The following KCNJ3 variants were observed in gnomAD, a reference collection of about 807,000 sequenced individuals.
KCNJ3 encodes the protein G protein-activated inward rectifier potassium channel 1.
In KCNJ3, 4 loss-of-function variants were observed where a neutral mutation model predicts 39.2. That is an observed-to-expected ratio of 0.10 (90% CI 0.05 to 0.23). The LOEUF is 0.23. Among genes scored for constraint, KCNJ3 ranks in the 10% least tolerant of loss-of-function variants. The probability of loss-of-function intolerance (pLI) is 1.00; values close to 1 mark genes in which losing one functional copy is unlikely to be tolerated. For missense variants in KCNJ3, 276 were observed against 634.9 expected (o/e 0.43, Z 6.08); for synonymous variants, 230 against 237.4 (o/e 0.97, Z 0.29).
In KCNJ3 at chr2:154,810,033, A is replaced by G. The variant is rs886669671; in HGVS notation, c.920-44694A>G. On this transcript the variant is annotated intron_variant, in intron 2 of 2. Transcript: ENST00000295101. ...AACAATTATATGTGCAAGGCACTAAATACGGTTCTAACAATGATTAATATT... is the reference window on the plus strand; with the variant it reads ...AACAATTATATGTGCAAGGCACTAAGTACGGTTCTAACAATGATTAATATT... 4.8e-5 allele frequency among the ~76,000 whole-genome samples: 7 copies of G among 146,488 alleles called. No homozygotes were observed. In the Admixed American group the frequency reaches 4.9e-4, roughly 10 times the overall value.
intron 2 of KCNJ3, among the ~76,000 whole-genome samples, chr2:154,837,060 A>G (rs1687478480): frequency 1.3e-5 from 2 of 152,196 alleles, no homozygotes; most frequent in African/African-American, 2.4e-5. Context: ...TTTAGATTCC[A>G]TGGATGTCAA....
At position 154,767,186 on chromosome 2, in the gene KCNJ3, CT is replaced by C. The variant is rs200514089; in HGVS notation, c.919+57376del. On this transcript the variant is annotated intron_variant, in intron 2 of 2. Transcript: ENST00000295101. ...TGCTAACTGCTAGTACATTCTTTAC[CT>C]TTTTTTTTAAAATTATACTTTAAGT... Among the ~76,000 whole-genome samples, 449 of 148,874 alleles carry C rather than the reference CT, an allele frequency of 3.0e-3. 7 individuals carry two copies. The highest frequency in any genetic ancestry group is 9.6e-4 in the Non-Finnish European group (65 of 67,592).
In KCNJ3 at chr2:154,854,781, A is replaced by T; in HGVS notation, c.974A>T (p.His325Leu). 6.2e-7 allele frequency: 1 copy of T among 1,613,940 alleles called. No individual in the cohort carries two copies. The highest frequency in any genetic ancestry group is 8.5e-7 in the Non-Finnish European group (1 of 1,179,900). The stretch of plus-strand genomic sequence containing the variant: ...ACTGAAGATGAAGTTCTTTGGGGTC[A>T]TCGTTTTTTTCCTGTAATTTCCTTA... ...SYTEDEVLWG[H>L]RFFPVISLEE... Residue 325 changes from histidine to leucine, a missense_variant, in exon 3 of 3, where the codon CAT becomes CTT. His to Leu is a moderately conservative substitution (Grantham distance 99). Coordinates refer to ENST00000295101, the MANE Select transcript of KCNJ3 (RefSeq NM_002239.4).
intron 2 of KCNJ3, among the ~76,000 whole-genome samples, chr2:154,746,634 A>G (rs201195295): frequency 3.4e-5 from 4 of 116,632 alleles, no homozygotes; most frequent in African/African-American, 1.8e-4. Context: ...ATATATATGT[A>G]TATATGTGTA....
intron 2 of KCNJ3, among the ~76,000 whole-genome samples, chr2:154,739,510 C>G (rs1685606969): frequency 6.6e-6 from 1 of 152,022 alleles, no homozygotes; most frequent in South Asian, 2.1e-4. Flanking sequence ...CTTATTACCA[C>G]TTGGGGAAGG....
At chr2:154,747,016 G>A (rs1039402610) in intron 2 of KCNJ3, among the ~76,000 whole-genome samples, 1 of 151,770 alleles carries the variant, frequency 6.6e-6, no homozygotes, top group Admixed American at 6.6e-5. Context: ...TGAAAGAACA[G>A]GGAAGTCCCA....
intron 2 of KCNJ3, among the ~76,000 whole-genome samples, chr2:154,724,836 T>G (rs1452931397): frequency 6.8e-6 from 1 of 147,754 alleles, no homozygotes; most frequent in Non-Finnish European, 1.5e-5. Context: ...TTTATATTTA[T>G]ATTTATACTT....
intron 2 of KCNJ3, among the ~76,000 whole-genome samples, chr2:154,729,684 G>A (rs1450480958): frequency 6.6e-6 from 1 of 152,140 alleles, no homozygotes; most frequent in Non-Finnish European, 1.5e-5. Flanking sequence ...CATCATCAAT[G>A]AGAAGCAGAG....
intron 2 of KCNJ3, among the ~76,000 whole-genome samples, chr2:154,808,388 G>C (rs970934066): frequency 6.6e-6 from 1 of 151,902 alleles, no homozygotes; most frequent in African/African-American, 2.4e-5. Flanking sequence ...GCGGGATAAG[G>C]GCATTTAAAT....
intron 2 of KCNJ3, among the ~76,000 whole-genome samples, chr2:154,760,314 A>C (rs1686015278): frequency 6.6e-6 from 1 of 152,100 alleles, no homozygotes. Context: ...GACTTGTAGG[A>C]GATAGTCATT....
At chr2:154,701,036 T>C (rs1354569965) in intron 1 of KCNJ3, among the ~76,000 whole-genome samples, 1 of 152,162 alleles carries the variant, frequency 6.6e-6, no homozygotes, top group Non-Finnish European at 1.5e-5. Context: ...ACTTAGTGTA[T>C]TGTTATTGAC....
intron 2 of KCNJ3, among the ~76,000 whole-genome samples, chr2:154,821,712 G>A (rs897364807): frequency 7.8e-6 from 1 of 128,332 alleles, no homozygotes; most frequent in Admixed American, 1.1e-4. Flanking sequence ...TGCGATCTCC[G>A]CTCACCGCAA....
chr2:154,841,463 G>C (rs994618976), intron 2 of KCNJ3, among the ~76,000 whole-genome samples: 3 of 152,202 alleles, frequency 2.0e-5, no homozygotes, highest in African/African-American at 7.2e-5. Flanking sequence ...AGTTAGAGAG[G>C]ATTCCCTCTT....
chr2:154,778,952 C>T (rs989701753), intron 2 of KCNJ3, among the ~76,000 whole-genome samples: 1 of 151,954 alleles, frequency 6.6e-6, no homozygotes, highest in Non-Finnish European at 1.5e-5. Flanking sequence ...TTTAGTATTC[C>T]CCTATGTGAA....
At chr2:154,712,766 G>T (rs1039987194) in intron 2 of KCNJ3, among the ~76,000 whole-genome samples, 1 of 152,142 alleles carries the variant, frequency 6.6e-6, no homozygotes, top group African/African-American at 2.4e-5. Context: ...GGGCGACGCA[G>T]TGAGACCCTG....
chr2:154,830,044 A>G (rs1236170106), intron 2 of KCNJ3, among the ~76,000 whole-genome samples: 1 of 152,212 alleles, frequency 6.6e-6, no homozygotes, highest in Admixed American at 6.5e-5. Flanking sequence ...AACTCAGAAT[A>G]TAAGTAAACC....
At chr2:154,783,306 G>C (rs1036082284) in intron 2 of KCNJ3, among the ~76,000 whole-genome samples, 1 of 152,214 alleles carries the variant, frequency 6.6e-6, no homozygotes, top group African/African-American at 2.4e-5. Context: ...CTTCTTCCGT[G>C]CATTTTGCAT....
At position 154,761,189 on chromosome 2, in the gene KCNJ3, CT is replaced by C. The variant is rs566783068; in HGVS notation, c.919+51379del. On this transcript the variant is annotated intron_variant, in intron 2 of 2. Transcript: ENST00000295101. ...TATATGAGGTATGATTTAACTTCAT[CT>C]TTTTTTTTGTTTTAATATGGATAGT... Among the ~76,000 whole-genome samples, 20 of 147,544 alleles carry C rather than the reference CT, an allele frequency of 1.4e-4. No homozygotes were observed. In the East Asian group the frequency reaches 1.4e-3, roughly 10 times the overall value.
intron 2 of KCNJ3, among the ~76,000 whole-genome samples, chr2:154,764,861 C>A (rs1352209132): frequency 6.6e-6 from 1 of 152,022 alleles, no homozygotes; most frequent in African/African-American, 2.4e-5. Flanking sequence ...TCTCTTGGAT[C>A]CTTGGATGCC....
Sources: gnomAD v4.1 joint callset for allele counts (sites outside exome capture counted in the v4.1 genomes callset) on GRCh38, gnomAD v4.1.1 for gene constraint, MANE v1.5 for transcripts, NCBI Gene and HGNC (gene_info 2026-07-23, HGNC 2026-07-21) for gene names.